The following PCDHGA2 variants were observed in gnomAD, a reference collection of about 807,000 sequenced individuals.
PCDHGA2 encodes protocadherin gamma subfamily A, 2, also known as protocadherin gamma-A2.
PCDHGA2 carries 40 observed loss-of-function variants against 59.2 expected under a neutral mutation model. The ratio of observed to expected loss-of-function variants is 0.68; its 90% CI spans 0.52 to 0.88. PCDHGA2 has a LOEUF of 0.88. PCDHGA2 is among the 40% of genes least tolerant of loss of function. The probability of loss-of-function intolerance (pLI) is 0.00; values close to 1 mark genes in which losing one functional copy is unlikely to be tolerated. For synonymous variants in PCDHGA2, 560 were observed against 526.0 expected (o/e 1.06, Z -0.89); for missense variants, 1,226 against 1,204.0 (o/e 1.02, Z -0.27).
At chr5:141,468,428 T>C (rs936671539) in intron 1 of PCDHGA2, 11 of 151,374 alleles carry the variant, frequency 7.3e-5, no homozygotes, top group Non-Finnish European at 1.3e-4. Context: ...AGCAAGGTAA[T>C]AGCAAAATGT....
chr5:141,462,051 G>A (rs1370612703), intron 1 of PCDHGA2, among the ~76,000 whole-genome samples: 2 of 152,068 alleles, frequency 1.3e-5, no homozygotes, highest in African/African-American at 4.8e-5. Context: ...TTGAACTCCC[G>A]ACCTCAGGTG....
chr5:141,398,707 C>T, intron 1 of PCDHGA2: 1 of 1,613,860 alleles, frequency 6.2e-7, no homozygotes, highest in Non-Finnish European at 8.5e-7. Flanking sequence ...ATACCCGGAA[C>T]TGGCACTGGA....
In PCDHGA2 at chr5:141,486,563, G is replaced by A. The variant is rs558244990; in HGVS notation, c.2425-8244G>A. The A allele has an allele frequency of 1.2e-6, 2 of 1,614,006 alleles. No homozygotes were observed. The highest frequency in any genetic ancestry group is 1.7e-6 in the Non-Finnish European group (2 of 1,180,036). On this transcript the variant is annotated intron_variant, in intron 1 of 3. Coordinates refer to ENST00000394576, the MANE Select transcript of PCDHGA2 (RefSeq NM_018915.4). The surrounding 1 kb of genome is among the most constrained non-coding windows in gnomAD (Gnocchi z 5.0). ...CTTTCAGAGGTCACATGAGGTGTTTGTTCCTGAGAACAATCGCCCAGGGGA... is the reference window on the plus strand; with the variant it reads ...CTTTCAGAGGTCACATGAGGTGTTTATTCCTGAGAACAATCGCCCAGGGGA...
chr5:141,461,196 T>C (rs1398352067), intron 1 of PCDHGA2, among the ~76,000 whole-genome samples: 3 of 152,128 alleles, frequency 2.0e-5, no homozygotes. Context: ...TGTTTTTTGC[T>C]CTTTAGAGAA....
At chr5:141,382,862 C>T (rs1026124728) in intron 1 of PCDHGA2, 2 of 1,514,358 alleles carry the variant, frequency 1.3e-6, no homozygotes, top group Non-Finnish European at 1.8e-6. Context: ...TGAAGCACTT[C>T]CCGAGATCGG....
chr5:141,407,706 G>C (rs1350991580), intron 1 of PCDHGA2, among the ~76,000 whole-genome samples: 3 of 152,006 alleles, frequency 2.0e-5, no homozygotes, highest in Admixed American at 1.3e-4. Context: ...GTTGAAGGTG[G>C]GGTGATGGCT....
chr5:141,404,004 C>G (rs1219625288), intron 1 of PCDHGA2: 33 of 1,613,842 alleles, frequency 2.0e-5, no homozygotes, highest in Non-Finnish European at 2.8e-5. Flanking sequence ...ACCATTACAT[C>G]TCTGTTTAGC....
At position 141,489,088 on chromosome 5, in the gene PCDHGA2, GAC is replaced by G; in HGVS notation, c.2425-5718_2425-5717del. 5.8e-6 allele frequency: 2 copies of G among 347,236 alleles called. No homozygotes were observed. The highest frequency in any genetic ancestry group is 4.7e-5 in the East Asian group (1 of 21,502). The allele number at this position is 347,236 out of a possible 1,614,324, so 21.5% of individuals were successfully genotyped here. A position where few individuals can be genotyped will look rare whatever the true frequency, so the allele number is the denominator to read the frequency against. ...CCCCTGCCCACCCCCGCCACTCGGT[GAC>G]TAAGAACTGCTGCAAGCAGGCAAAC... On this transcript the variant is annotated intron_variant, in intron 1 of 3. Transcript: ENST00000394576. The surrounding 1 kb of genome is among the most constrained non-coding windows in gnomAD (Gnocchi z 4.5).
At position 141,357,427 on chromosome 5, in the gene PCDHGA2, G is replaced by A. The variant is rs746353389; in HGVS notation, c.2424+16032G>A. The A allele has an allele frequency of 6.8e-6, 11 of 1,614,110 alleles. No homozygotes were observed. Among genetic ancestry groups the A allele is most frequent in the East Asian group, 2.2e-5 (1 of 44,884 alleles). On this transcript the variant is annotated intron_variant, in intron 1 of 3. Transcript: ENST00000394576. ...TGTGCCTGCCTCGCACTTTGTGGGCGTGGACGGGGTTCGGGCTTTCCTGCA... is the reference window on the plus strand; with the variant it reads ...TGTGCCTGCCTCGCACTTTGTGGGCATGGACGGGGTTCGGGCTTTCCTGCA...
chr5:141,420,030 G>A (rs1269646706), intron 1 of PCDHGA2: 1 of 1,613,940 alleles, frequency 6.2e-7, no homozygotes, highest in Non-Finnish European at 8.5e-7. Flanking sequence ...CCTACTGCAG[G>A]AGACTGCTTT....
chr5:141,422,556 G>T, intron 1 of PCDHGA2: 1 of 1,613,908 alleles, frequency 6.2e-7, no homozygotes, highest in South Asian at 1.1e-5. Context: ...GGCTGAATGT[G>T]GCAGATGACA....
rs754410220 is a variant in PCDHGA2, at chr5:141,356,929, C to A, written c.2424+15534C>A. Reference sequence around the variant, plus strand: ...TACTGATGGCTCCACTGGTGTGGAGCTGGCACCCCGCTCCGCAGATTCCGG... The same window carrying A: ...TACTGATGGCTCCACTGGTGTGGAGATGGCACCCCGCTCCGCAGATTCCGG... On this transcript the variant is annotated intron_variant, in intron 1 of 3. Coordinates refer to ENST00000394576, the MANE Select transcript of PCDHGA2 (RefSeq NM_018915.4). 18 of 1,614,216 alleles carry A rather than the reference C, an allele frequency of 1.1e-5. No individual in the cohort carries two copies. The South Asian group carries it at 2.0e-4, about 18-fold the overall frequency.
intron 1 of PCDHGA2, chr5:141,399,393 C>A: frequency 6.2e-7 from 1 of 1,613,976 alleles, no homozygotes; most frequent in Non-Finnish European, 8.5e-7. Flanking sequence ...CAGCCACAGA[C>A]AGGGGCAAGC....
rs1182148013 is a variant in PCDHGA2, at chr5:141,431,510, G to C, written c.2425-63297G>C. On this transcript the variant is annotated intron_variant, in intron 1 of 3. Transcript: ENST00000394576. This position sits in a 1 kb window ranked among gnomAD's most constrained non-coding sequence, Gnocchi z 4.8. ...TGCTCAGCCCGAGTACCGCGCGAGC[G>C]TTCCGGAGAATCTGGCCTTGGGCAC... 6.2e-7 allele frequency: 1 copy of C among 1,614,022 alleles called. No homozygotes were observed. The highest frequency in any genetic ancestry group is 8.5e-7 in the Non-Finnish European group (1 of 1,180,026).
chr5:141,389,840 C>T (rs2150401266), intron 1 of PCDHGA2: 2 of 1,614,048 alleles, frequency 1.2e-6, no homozygotes, highest in Non-Finnish European at 8.5e-7. Context: ...AGCCACCACT[C>T]TCGGCCACTG....
chr5:141,409,082 T>C (rs1332697516), intron 1 of PCDHGA2: 6 of 1,613,878 alleles, frequency 3.7e-6, no homozygotes, highest in African/African-American at 1.3e-5. Context: ...TATGTTCTCA[T>C]TGGATGAGAA....
intron 1 of PCDHGA2, among the ~76,000 whole-genome samples, chr5:141,437,929 G>A (rs1479763331): frequency 6.6e-6 from 1 of 151,960 alleles, no homozygotes; most frequent in East Asian, 1.9e-4. Context: ...GTAGAGATGG[G>A]GTTTCACCAT....
At chr5:141,433,123 C>A in intron 1 of PCDHGA2, 1 of 1,614,116 alleles carries the variant, frequency 6.2e-7, no homozygotes, top group Non-Finnish European at 8.5e-7. Context: ...TTGAAAAAAG[C>A]GAGCCCCTTT....
rs544678317 is a variant in PCDHGA2, at chr5:141,430,911, A to C, written c.2425-63896A>C. The C allele has an allele frequency of 1.9e-5, 31 of 1,607,958 alleles. No homozygotes were observed. The Admixed American group carries it at 2.2e-4, about 11-fold the overall frequency. ...TCTAGGGTGGGCGACATCTCCAGGG[A>C]CCTGGGGCTGGAGCCCCGGGAGCTC... On this transcript the variant is annotated intron_variant, in intron 1 of 3. Transcript: ENST00000394576.
Sources: allele counts gnomAD v4.1 joint callset (sites outside exome capture counted in the v4.1 genomes callset), GRCh38; gene constraint gnomAD v4.1.1; non-coding constraint Gnocchi (gnomAD v3.1); transcripts MANE v1.5; gene names NCBI Gene and HGNC (gene_info 2026-07-23, HGNC 2026-07-21).